Variants in DNM2 observed in about 807,000 individuals in gnomAD.
The protein encoded by DNM2 is dynamin 2.
A neutral mutation model predicts 99.0 loss-of-function variants in DNM2; 15 were observed. The ratio of observed to expected loss-of-function variants is 0.15; its 90% CI spans 0.10 to 0.23. The LOEUF (loss-of-function observed/expected upper bound fraction) is 0.23, where lower values mean the gene tolerates loss of function less well. Among genes scored for constraint, DNM2 ranks in the 10% least tolerant of loss-of-function variants. The pLI is 1.00. For synonymous variants in DNM2, 525 were observed against 481.2 expected (o/e 1.09, Z -1.19); for missense variants, 742 against 1,189.4 (o/e 0.62, Z 5.53).
rs550560389 is a variant in DNM2 at position 10,767,173 on chromosome 19, C to A, written c.236-5306C>A. On this transcript the variant is annotated intron_variant, in intron 2 of 20. Transcript: ENST00000389253. Reference sequence around the variant, plus strand: ...CTGCTGTGGACAAGTTGACAGGGAACTCAGTGTTAAGGCCTCTGGCTGATT... The same window carrying A: ...CTGCTGTGGACAAGTTGACAGGGAAATCAGTGTTAAGGCCTCTGGCTGATT... 9.9e-5 allele frequency among the ~76,000 whole-genome samples: 15 copies of A among 150,936 alleles called. 1 individual carries two copies. In the South Asian group the frequency reaches 1.3e-3, roughly 13 times the overall value.
chr19:10,743,548 C>T (rs143499711), intron 1 of DNM2, among the ~76,000 whole-genome samples: 344 of 152,016 alleles, frequency 2.3e-3, no homozygotes, highest in African/African-American at 7.9e-3. Flanking sequence ...TGGTGGCTCA[C>T]ACCTGTAATC....
In DNM2 at chr19:10,728,215, C is replaced by T. The variant is rs148566356; in HGVS notation, c.161+9812C>T. Reference sequence around the variant, plus strand: ...AGAGCCAGTGTTTATGGAGAATCACCGTGTGCCACATGTGCAAGATCTGAC... The same window carrying T: ...AGAGCCAGTGTTTATGGAGAATCACTGTGTGCCACATGTGCAAGATCTGAC... On this transcript the variant is annotated intron_variant, in intron 1 of 20. Transcript: ENST00000389253. 3.7e-4 allele frequency among the ~76,000 whole-genome samples: 57 copies of T among 152,296 alleles called. 1 individual carries two copies. Among genetic ancestry groups the T allele is most frequent in the African/African-American group, 1.3e-3 (54 of 41,568 alleles).
At chr19:10,773,550 G>A (rs2071052070) in intron 3 of DNM2, among the ~76,000 whole-genome samples, 1 of 151,382 alleles carries the variant, frequency 6.6e-6, no homozygotes, top group South Asian at 2.1e-4. Flanking sequence ...CCGGGTTCAA[G>A]CAATTCTCTG....
rs1036877014 is a variant in DNM2, at chr19:10,764,643, T to A, written c.235+4832T>A. 2.6e-5 allele frequency among the ~76,000 whole-genome samples: 4 copies of A among 152,148 alleles called. No homozygotes were observed. The highest frequency in any genetic ancestry group is 2.6e-4 in the Admixed American group (4 of 15,256). ...GCTCACCGGAACCAAGGAAGAGATG[T>A]CAGGACCTGGCTCCAGGGCTTCCCA... On this transcript the variant is annotated intron_variant, in intron 2 of 20. Coordinates refer to ENST00000389253, the MANE Select transcript of DNM2 (RefSeq NM_001005361.3). This position sits in a 1 kb window ranked among gnomAD's most constrained non-coding sequence, Gnocchi z 4.1.
In DNM2 at chr19:10,758,844, G is replaced by A. The variant is rs1294484404; in HGVS notation, c.162-894G>A. ...GTTACAGGCCTGTGCCACTGCACCC[G>A]GCCAGGATATGTACTTTTCTTAAAC... On this transcript the variant is annotated intron_variant, in intron 1 of 20. Coordinates refer to ENST00000389253, the MANE Select transcript of DNM2 (RefSeq NM_001005361.3). Among the ~76,000 whole-genome samples the A allele has an allele frequency of 3.3e-5, 5 of 152,236 alleles. No individual in the cohort carries two copies. In the South Asian group the frequency reaches 6.2e-4, roughly 19 times the overall value.
intron 7 of DNM2, among the ~76,000 whole-genome samples, chr19:10,788,291 C>T (rs920635100): frequency 1.3e-5 from 2 of 149,466 alleles, no homozygotes; most frequent in Non-Finnish European, 3.0e-5. Context: ...CAGGTGAGGG[C>T]AGGGCAGGAG....
chr19:10,732,137 G>T (rs975377594), intron 1 of DNM2, among the ~76,000 whole-genome samples: 1 of 151,090 alleles, frequency 6.6e-6, no homozygotes, highest in African/African-American at 2.4e-5. Flanking sequence ...TGTATTTTTA[G>T]TAGAGACTGG....
intron 1 of DNM2, among the ~76,000 whole-genome samples, chr19:10,739,029 G>T (rs978965550): frequency 6.6e-6 from 1 of 151,994 alleles, no homozygotes. Flanking sequence ...TTAGCGGGGC[G>T]TGGTAGCGGG....
chr19:10,740,694 T>A (rs1369443745), intron 1 of DNM2, among the ~76,000 whole-genome samples: 1 of 152,186 alleles, frequency 6.6e-6, no homozygotes, highest in Non-Finnish European at 1.5e-5. Context: ...TCCTTCTTTT[T>A]AAATACAGTT....
rs1160587390 is a variant in DNM2 at position 10,812,477 on chromosome 19, C to T, written c.1671+100C>T. 1.0e-6 allele frequency: 1 copy of T among 981,658 alleles called. No individual in the cohort carries two copies. 60.8% of individuals were successfully genotyped at this position (981,658 alleles called of 1,614,324 possible). A position where few individuals can be genotyped will look rare whatever the true frequency, so the allele number is the denominator to read the frequency against. On this transcript the variant is annotated intron_variant, in intron 15 of 20. Transcript: ENST00000389253. The surrounding 1 kb of genome is among the most constrained non-coding windows in gnomAD (Gnocchi z 4.0). ...GGCAGAACTCAGTCACTGCGCCACT[C>T]TGCCCTGAGTCACCATTAGGACTGT...
At chr19:10,769,845 C>A (rs1036605412) in intron 2 of DNM2, among the ~76,000 whole-genome samples, 11 of 152,302 alleles carry the variant, frequency 7.2e-5, no homozygotes, top group Admixed American at 5.9e-4. Flanking sequence ...GGTCCTCAGT[C>A]ATCGGAGCCC....
In DNM2 at chr19:10,795,923, T is replaced by C; in HGVS notation, c.1196+484T>C. ...GGTCACCCTGAGGGTTTCCGGGCAG[T>C]GGACTCAGGCATCCGACCCCACACA... On this transcript the variant is annotated intron_variant, in intron 9 of 20. Coordinates refer to ENST00000389253, the MANE Select transcript of DNM2 (RefSeq NM_001005361.3). This position sits in a 1 kb window ranked among gnomAD's most constrained non-coding sequence, Gnocchi z 4.2. 1.4e-6 allele frequency: 2 copies of C among 1,449,588 alleles called. No homozygotes were observed. Among genetic ancestry groups the C allele is most frequent in the Non-Finnish European group, 1.9e-6 (2 of 1,045,694 alleles). The allele number at this position is 1,449,588 out of a possible 1,614,324, so 89.8% of individuals were successfully genotyped here. A position where few individuals can be genotyped will look rare whatever the true frequency, so the allele number is the denominator to read the frequency against.
chr19:10,775,801 C>T lies in DNM2; in HGVS notation c.484C>T (p.Gln162Ter). 6.2e-7 allele frequency: 1 copy of T among 1,614,150 alleles called. No homozygotes were observed. The highest frequency in any genetic ancestry group is 8.5e-7 in the Non-Finnish European group (1 of 1,180,040). The change falls in exon 4 of 21, where the codon CAG (glutamine) becomes TAG (stop). Residue 162 changes from glutamine to a stop codon, truncating the protein, a stop_gained. Coordinates refer to ENST00000389253, the MANE Select transcript of DNM2 (RefSeq NM_001005361.3). LOFTEE classifies it high-confidence loss of function. This position sits in a 1 kb window ranked among gnomAD's most constrained non-coding sequence, Gnocchi z 4.3. ...IEYQIKDMIL[Q>*]FISRESSLIL... ...GTACCAGATCAAGGACATGATCCTG[C>T]AGTTCATCAGCCGGGAGAGCAGCCT...
At chr19:10,785,882 C>G (rs962192151) in intron 6 of DNM2, among the ~76,000 whole-genome samples, 7 of 149,208 alleles carry the variant, frequency 4.7e-5, no homozygotes, top group African/African-American at 1.5e-4. Context: ...GTGATCTCGG[C>G]CCACTGCAAC....
intron 12 of DNM2, among the ~76,000 whole-genome samples, chr19:10,805,539 G>T (rs888868599): frequency 6.6e-6 from 1 of 152,198 alleles, no homozygotes; most frequent in Non-Finnish European, 1.5e-5. Flanking sequence ...GGAGACTGAG[G>T]CAGGGGAACT....
chr19:10,820,140 C>T lies in DNM2; in HGVS notation c.1781+51C>T. 6.5e-7 allele frequency: 1 copy of T among 1,550,180 alleles called. No individual in the cohort carries two copies. The highest frequency in any genetic ancestry group is 8.9e-7 in the Non-Finnish European group (1 of 1,122,992). On this transcript the variant is annotated intron_variant, in intron 16 of 20. Transcript: ENST00000389253. This position sits in a 1 kb window ranked among gnomAD's most constrained non-coding sequence, Gnocchi z 4.3. ...GGCTCGGGGTGAAGACCAATGGCCT[C>T]ATTCACACTCCACAACCTTCACTGA...
At chr19:10,758,029 TCGAGCCTTTAATGTACCC>T (rs2145844973) in intron 1 of DNM2, among the ~76,000 whole-genome samples, 2 of 152,128 alleles carry the variant, frequency 1.3e-5, no homozygotes, top group East Asian at 3.9e-4. Context: ...GAATTTCCTT[TCGAGCCTTTAATGTACCC>T]CGAGCCCACT....
At position 10,782,111 on chromosome 19, in the gene DNM2, C is replaced by T. The variant is rs1403128496; in HGVS notation, c.689-849C>T. ...GCAGTGGGGTGATTACAGCTTGCTG[C>T]AACCTCGAACTCCCAGGCTCAGGTG... On this transcript the variant is annotated intron_variant, in intron 5 of 20. Coordinates refer to ENST00000389253, the MANE Select transcript of DNM2 (RefSeq NM_001005361.3). Among the ~76,000 whole-genome samples the T allele has an allele frequency of 2.0e-5, 3 of 152,110 alleles. No individual in the cohort carries two copies. In the East Asian group the frequency reaches 5.8e-4, roughly 29 times the overall value.
chr19:10,785,787 T>TA (rs1352024510), intron 6 of DNM2, among the ~76,000 whole-genome samples: 1 of 152,150 alleles, frequency 6.6e-6, no homozygotes, highest in African/African-American at 2.4e-5. Context: ...TTTGCAAGTA[T>TA]AGGCTGATTT....
Sources: allele counts gnomAD v4.1 joint callset (sites outside exome capture counted in the v4.1 genomes callset), GRCh38; gene constraint gnomAD v4.1.1; non-coding constraint Gnocchi (gnomAD v3.1); transcripts MANE v1.5; gene names NCBI Gene and HGNC (gene_info 2026-07-23, HGNC 2026-07-21).